Variants in MAD1L1 observed in about 807,000 individuals in gnomAD.
MAD1L1 encodes mitotic arrest deficient 1 like 1, also known as mitotic spindle assembly checkpoint protein MAD1.
MAD1L1 carries 95 observed loss-of-function variants against 96.9 expected under a neutral mutation model. The observed-to-expected ratio is 0.98, with a 90% CI of 0.83 to 1.16. The LOEUF is 1.16. Ranked by LOEUF, MAD1L1 falls within the 50% of genes most tolerant of loss-of-function variation. The probability of loss-of-function intolerance (pLI) is 0.00; values close to 1 mark genes in which losing one functional copy is unlikely to be tolerated. For synonymous variants in MAD1L1, 473 were observed against 396.6 expected (o/e 1.19, Z -2.29); for missense variants, 1,007 against 954.4 (o/e 1.06, Z -0.73).
At chr7:2,056,001 A>G (rs1432486910) in intron 12 of MAD1L1, among the ~76,000 whole-genome samples, 2 of 152,184 alleles carry the variant, frequency 1.3e-5, no homozygotes, top group African/African-American at 4.8e-5. Flanking sequence ...ATAAATAAAT[A>G]AAAAACACAA....
chr7:1,961,198 T>A (rs1321491760), intron 15 of MAD1L1, among the ~76,000 whole-genome samples: 1 of 152,206 alleles, frequency 6.6e-6, no homozygotes, highest in Non-Finnish European at 1.5e-5. Flanking sequence ...ATCCACAGAA[T>A]CAGCAACCTC....
intron 13 of MAD1L1, among the ~76,000 whole-genome samples, chr7:2,014,038 C>T (rs1201492041): frequency 6.6e-6 from 1 of 152,152 alleles, no homozygotes; most frequent in African/African-American, 2.4e-5. Flanking sequence ...CTCCCAGTTC[C>T]ACAGGGAGCT....
chr7:1,962,924 G>A (rs1314639235), intron 15 of MAD1L1, among the ~76,000 whole-genome samples: 4 of 152,144 alleles, frequency 2.6e-5, no homozygotes. Context: ...TCCAGCCTGG[G>A]CAACAGAGCA....
intron 18 of MAD1L1, among the ~76,000 whole-genome samples, chr7:1,869,497 C>T (rs1050832261): frequency 1.3e-5 from 2 of 151,820 alleles, no homozygotes; most frequent in Admixed American, 6.6e-5. Flanking sequence ...AGCAGGTGAC[C>T]TCCCCAGGGC....
Position 1,816,217 on chromosome 7 carries a change from G to A in MAD1L1, c.2010C>T (p.Pro670=), listed in dbSNP as rs199498976. 198 of 1,612,490 alleles carry A rather than the reference G, an allele frequency of 1.2e-4. No homozygotes were observed. The highest frequency in any genetic ancestry group is 1.6e-4 in the Non-Finnish European group (191 of 1,179,486). Reference sequence around the variant, plus strand: ...CCAGTAGCTGCATCTTGGAACCCGAGGGGCTGGTGGCCTGCGGGGCAGTCA... The same window carrying A: ...CCAGTAGCTGCATCTTGGAACCCGAAGGGCTGGTGGCCTGCGGGGCAGTCA... ...GDCLIFKATS[P]SGSKMQLLET... Residue 670 remains proline (P), a synonymous_variant, in exon 19 of 19, where the codon CCC becomes CCT. Coordinates refer to ENST00000265854, the MANE Select transcript of MAD1L1 (RefSeq NM_001013836.2).
intron 15 of MAD1L1, among the ~76,000 whole-genome samples, chr7:1,963,965 A>T (rs1315403446): frequency 1.3e-5 from 2 of 152,156 alleles, no homozygotes; most frequent in Admixed American, 1.3e-4. Context: ...GGAGCCCCGC[A>T]AGTGCTGTGG....
chr7:1,919,022 C>A (rs774285901), intron 17 of MAD1L1, among the ~76,000 whole-genome samples: 1 of 152,248 alleles, frequency 6.6e-6, no homozygotes, highest in Non-Finnish European at 1.5e-5. Context: ...CAGTTCCCTC[C>A]GGCCCATGCC....
intron 18 of MAD1L1, among the ~76,000 whole-genome samples, chr7:1,840,009 G>A (rs1783158810): frequency 6.6e-6 from 1 of 152,230 alleles, no homozygotes; most frequent in Non-Finnish European, 1.5e-5. Flanking sequence ...TGCGCATCCA[G>A]CACCTGCAGC....
chr7:2,174,641 A>C (rs1423829478), intron 10 of MAD1L1, among the ~76,000 whole-genome samples: 2 of 151,830 alleles, frequency 1.3e-5, no homozygotes, highest in Non-Finnish European at 2.9e-5. Flanking sequence ...TCCAACACTT[A>C]CACTGATTTT....
At chr7:2,111,752 G>T (rs1044171573) in intron 11 of MAD1L1, among the ~76,000 whole-genome samples, 1 of 152,178 alleles carries the variant, frequency 6.6e-6, no homozygotes. Context: ...AAACCCTGGC[G>T]TGGCCCAGCA....
chr7:2,165,281 A>G (rs1790370025), intron 10 of MAD1L1, among the ~76,000 whole-genome samples: 1 of 152,232 alleles, frequency 6.6e-6, no homozygotes, highest in Non-Finnish European at 1.5e-5. Flanking sequence ...GCTAAGCTAC[A>G]GCTGCCGGGG....
At chr7:2,052,815 G>A (rs1784241573) in intron 12 of MAD1L1, among the ~76,000 whole-genome samples, 1 of 152,190 alleles carries the variant, frequency 6.6e-6, no homozygotes, top group Middle Eastern at 3.2e-3. Flanking sequence ...AACAGACAGA[G>A]GAACCGGGAG....
intron 10 of MAD1L1, among the ~76,000 whole-genome samples, chr7:2,199,224 C>A (rs1464962677): frequency 6.6e-6 from 1 of 152,286 alleles, no homozygotes; most frequent in Non-Finnish European, 1.5e-5. Flanking sequence ...CTCACTGCAA[C>A]TTCCAGATAC....
At chr7:1,980,806 C>T in intron 14 of MAD1L1, 1 of 583,006 alleles carries the variant, frequency 1.7e-6, no homozygotes. Flanking sequence ...GTGTGGGGTG[C>T]ATGTGAGAGT....
chr7:1,997,134 TAAG>T (rs2128490920), intron 14 of MAD1L1, among the ~76,000 whole-genome samples: 1 of 152,394 alleles, frequency 6.6e-6, no homozygotes, highest in African/African-American at 2.4e-5. Flanking sequence ...TAATTAATAA[TAAG>T]AAAGTCAGAG....
intron 10 of MAD1L1, among the ~76,000 whole-genome samples, chr7:2,207,429 T>C (rs1584549121): frequency 6.6e-6 from 1 of 152,006 alleles, no homozygotes; most frequent in East Asian, 1.9e-4. Flanking sequence ...CTCAACCTCC[T>C]AGGAGGGGAG....
chr7:1,886,074 C>T (rs1430354204), intron 18 of MAD1L1, among the ~76,000 whole-genome samples: 1 of 152,246 alleles, frequency 6.6e-6, no homozygotes, highest in Non-Finnish European at 1.5e-5. Context: ...AGCCTCATCC[C>T]AGCAACCTGC....
At chr7:2,216,104 G>A (rs1793259601) in intron 8 of MAD1L1, 53 bp downstream of exon 8, 3 of 1,607,736 alleles carry the variant, frequency 1.9e-6, no homozygotes, top group South Asian at 1.1e-5. Flanking sequence ...GGCTCCATGT[G>A]CACAAACCCA....
In MAD1L1 at chr7:1,907,761, C is replaced by T. The variant is rs1376982645; in HGVS notation, c.1808-9371G>A. On this transcript the variant is annotated intron_variant, in intron 17 of 18. Coordinates refer to ENST00000265854, the MANE Select transcript of MAD1L1 (RefSeq NM_001013836.2). ...ATAACGTGTTCCTCTTAATAAAACA[C>T]ATCCCTGTGTCGTCAACAACCACTT... is the stretch of plus-strand genomic sequence containing the variant. Among the ~76,000 whole-genome samples the T allele has an allele frequency of 3.9e-5, 6 of 152,386 alleles. No homozygotes were observed. In the East Asian group the frequency reaches 9.6e-4, roughly 24 times the overall value.
Sources: gnomAD v4.1 joint callset for allele counts (sites outside exome capture counted in the v4.1 genomes callset) on GRCh38, gnomAD v4.1.1 for gene constraint, MANE v1.5 for transcripts, NCBI Gene and HGNC (gene_info 2026-07-23, HGNC 2026-07-21) for gene names.